NOTCH4: variants seen among roughly 807,000 people sequenced by gnomAD.
NOTCH4 encodes neurogenic locus notch homolog protein 4.
NOTCH4 carries 138 observed loss-of-function variants against 189.0 expected under a neutral mutation model. The ratio of observed to expected loss-of-function variants is 0.73; its 90% CI spans 0.64 to 0.84. The LOEUF (loss-of-function observed/expected upper bound fraction) is 0.84, where lower values mean the gene tolerates loss of function less well. Ranked by LOEUF, NOTCH4 falls within the 40% of genes least tolerant of loss-of-function variation. The probability of loss-of-function intolerance (pLI) is 0.00; values close to 1 mark genes in which losing one functional copy is unlikely to be tolerated. For missense variants in NOTCH4, 2,286 were observed against 2,605.4 expected, an observed-to-expected ratio of 0.88 and a Z score of 2.67; for synonymous variants, 942 against 1,032.8, an observed-to-expected ratio of 0.91 and a Z score of 1.69.
rs377352892 is a variant in NOTCH4, at chr6:32,207,804, C to A, written c.2865+2948G>T. Among the ~76,000 whole-genome samples, 308 of 151,844 alleles carry A rather than the reference C, an allele frequency of 2.0e-3. 1 individual carries two copies. The South Asian group carries it at 0.025, about 12-fold the overall frequency. ...CAAACACAAGGTCAGGAGTTTGAGA[C>A]CAGCCTGGCCAACATGGTGAAACCC... On this transcript the variant is annotated intron_variant, in intron 18 of 29. Transcript: ENST00000375023.
intron 11 of NOTCH4, chr6:32,216,648 A>G: frequency 1.9e-6 from 1 of 527,532 alleles, no homozygotes; most frequent in South Asian, 2.1e-5. Context: ...CTGGCATAGT[A>G]GGCAGTTGGT....
In NOTCH4 at chr6:32,199,065, G is replaced by A. The variant is rs1788166920; in HGVS notation, c.4396C>T (p.Leu1466Phe). The A allele has an allele frequency of 6.2e-7, 1 of 1,612,850 alleles. No homozygotes were observed. The highest frequency in any genetic ancestry group is 1.3e-5 in the African/African-American group (1 of 75,062). The change falls in exon 24 of 30, where the codon CTC (leucine) becomes TTC (phenylalanine). Residue 1466 changes from leucine to phenylalanine, a missense_variant. Physicochemically the swap from Leu to Phe is conservative, Grantham distance 22. Transcript: ENST00000375023. This position sits in a 1 kb window ranked among gnomAD's most constrained non-coding sequence, Gnocchi z 4.9. ...GVILLALGAL[L>F]VLQLIRRRRR... ...CGACGCCGGATGAGCTGGAGGACGA[G>A]AAGAGCCCCTAGGGCCAGGAGAATC...
intron 26 of NOTCH4, 104 bp from the exon 27 acceptor site, chr6:32,197,698 A>G (rs1788042679): frequency 1.9e-6 from 2 of 1,053,604 alleles, no homozygotes; most frequent in Non-Finnish European, 2.7e-6. Flanking sequence ...TTGGGAAGCT[A>G]AGTTCTGGCT....
chr6:32,217,273 G>A lies in NOTCH4; in HGVS notation c.1625-7C>T. 6.3e-7 allele frequency: 1 copy of A among 1,597,500 alleles called. No individual in the cohort carries two copies. The highest frequency in any genetic ancestry group is 8.6e-7 in the Non-Finnish European group (1 of 1,166,204). Reference sequence around the variant, plus strand: ...CATCGGGTGCCGGAGAATCCTGGTGGGGCGGAAGTGGGTGGGGAGAGGAGG... The same window carrying A: ...CATCGGGTGCCGGAGAATCCTGGTGAGGCGGAAGTGGGTGGGGAGAGGAGG... On this transcript the variant is annotated splice_region_variant and splice_polypyrimidine_tract_variant and intron_variant, in intron 9 of 29. Transcript: ENST00000375023. The surrounding 1 kb of genome is among the most constrained non-coding windows in gnomAD (Gnocchi z 4.2).
rs1221310804 is a variant in NOTCH4, at chr6:32,198,520, A to G, written c.4657T>C (p.Ser1553Pro). The G allele has an allele frequency of 1.9e-5, 30 of 1,612,812 alleles. No homozygotes were observed. The highest frequency in any genetic ancestry group is 2.5e-5 in the Non-Finnish European group (30 of 1,180,002). The change falls in exon 26 of 30, where the codon TCT becomes CCT. Residue 1553 changes from serine (S) to proline (P), a missense_variant. Around this residue, in one of 2 missense-constraint regions of NOTCH4, gnomAD observed 1,903 missense variants for 2,261.9 expected, o/e 0.84. Transcript: ENST00000375023. The surrounding 1 kb of genome is among the most constrained non-coding windows in gnomAD (Gnocchi z 5.5). ...AGCGCCCCACAGCCACCACTCAGAG[A>G]CCAGAGCTGGCACGTGGAGGGTGGG... ...TGPPSTCQLW[S>P]LSGGCGALPQ...
At position 32,217,030 on chromosome 6, in the gene NOTCH4, C is replaced by T; in HGVS notation, c.1776G>A (p.Glu592=). 6.2e-7 allele frequency: 1 copy of T among 1,613,122 alleles called. No individual in the cohort carries two copies. The highest frequency in any genetic ancestry group is 8.5e-7 in the Non-Finnish European group (1 of 1,180,052). ...EGPRCQTEVD[E]CLSDPCPVGA... ...CAACGGGACATGGGTCACTCAGGCACTCATCCACCTCTGTTTGACAGCGTG... is the reference window on the plus strand; with the variant it reads ...CAACGGGACATGGGTCACTCAGGCATTCATCCACCTCTGTTTGACAGCGTG... Residue 592 remains glutamate (E), a synonymous_variant, in exon 11 of 30, where the codon GAG becomes GAA. Coordinates refer to ENST00000375023, the MANE Select transcript of NOTCH4 (RefSeq NM_004557.4). This position sits in a 1 kb window ranked among gnomAD's most constrained non-coding sequence, Gnocchi z 4.2.
rs557200024 is a variant in NOTCH4 at position 32,212,489 on chromosome 6, C to T, written c.2665G>A (p.Ala889Thr). The change falls in exon 17 of 30, where the codon GCT (alanine) becomes ACT (threonine). Residue 889 changes from alanine to threonine, a missense_variant. Transcript: ENST00000375023. The surrounding 1 kb of genome is among the most constrained non-coding windows in gnomAD (Gnocchi z 4.4). Reference protein sequence around the residue: ...CNLPLSSCQKAALSQGIDVSS... With the variant: ...CNLPLSSCQKTALSQGIDVSS... ...CGTTGGTTACCTTGGCTCAGTGCAG[C>T]CTTCTGGCAGGAGGACAGTGGAAGG... 4.3e-6 allele frequency: 7 copies of T among 1,611,330 alleles called. No homozygotes were observed. The African/African-American group carries it at 9.3e-5, about 21-fold the overall frequency.
rs1458330015 is a variant in NOTCH4, at chr6:32,202,330, C to A, written c.3501G>T (p.Gly1167=). The change falls in exon 21 of 30, where the codon GGG becomes GGT. Residue 1167 remains glycine (G), a synonymous_variant. Transcript: ENST00000375023. This position sits in a 1 kb window ranked among gnomAD's most constrained non-coding sequence, Gnocchi z 5.7. The part of the protein sequence containing the change: ...FRCSCPHSSP[G]PRCQKPGAKG... ...TGGCTCCGGGTTTCTGACACCGGGG[C>A]CCTGGAGAGCTGTGAGGGCAGGAGC... is the stretch of plus-strand genomic sequence containing the variant. 8 of 1,612,878 alleles carry A rather than the reference C, an allele frequency of 5.0e-6. No homozygotes were observed. The highest frequency in any genetic ancestry group is 6.8e-6 in the Non-Finnish European group (8 of 1,179,948).
rs61729682 is a variant in NOTCH4, at chr6:32,218,002, G to A, written c.1617C>T (p.Cys539=). 1.1e-4 allele frequency: 170 copies of A among 1,607,780 alleles called. No homozygotes were observed. The African/African-American group carries it at 1.7e-3, about 16-fold the overall frequency. The change falls in exon 9 of 30, where the codon TGC becomes TGT. Residue 539 remains cysteine, a synonymous_variant. Transcript: ENST00000375023. ...HDLLNGFQCI[C]LPGFSGTRCE... is the part of the protein sequence containing the mutation. ...AGAGGCATCTGTACTCACCAGGCAG[G>A]CAGATGCACTGGAAGCCGTTGAGCA...
At chr6:32,222,385 T>G in intron 3 of NOTCH4, 126 bp downstream of exon 3, 1 of 812,468 alleles carries the variant, frequency 1.2e-6, no homozygotes, top group Non-Finnish European at 1.8e-6. Context: ...AATTGGCATG[T>G]TGATTCTCAT....
intron 12 of NOTCH4, among the ~76,000 whole-genome samples, chr6:32,214,466 GATAT>G (rs1554151235): frequency 8.6e-6 from 1 of 116,672 alleles, no homozygotes; most frequent in African/African-American, 3.2e-5. Context: ...TCTAGTTGGA[GATAT>G]ATATATATAT....
chr6:32,213,658 C>A, intron 14 of NOTCH4, 30 bp downstream of exon 14: 1 of 1,608,996 alleles, frequency 6.2e-7, no homozygotes, highest in African/African-American at 1.3e-5. Context: ...CTCCTGTGGA[C>A]CCCAGCCCCA....
chr6:32,210,777 G>C lies in NOTCH4; in HGVS notation c.2840C>G (p.Ala947Gly), dbSNP rs759200326. 6.8e-6 allele frequency: 11 copies of C among 1,612,636 alleles called. No individual in the cohort carries two copies. The highest frequency in any genetic ancestry group is 3.3e-5 in the Admixed American group (2 of 60,002). Reference protein sequence around the residue: ...RPCQNGATCMAQPSGYLCQCA... With the variant: ...RPCQNGATCMGQPSGYLCQCA... ...CTGGCAGAGATACCCACTGGGCTGG[G>C]CCATGCAGGTGGCCCCGTTCTGGCA... Residue 947 changes from alanine (A) to glycine (G), a missense_variant, in exon 18 of 30, where the codon GCC becomes GGC. By Grantham distance (60) the Ala-to-Gly change is moderately conservative (BLOSUM62 0). This residue lies in a region of NOTCH4 where 1,903 missense variants were observed against 2,261.9 expected (regional missense o/e 0.84). Transcript: ENST00000375023. This position sits in a 1 kb window ranked among gnomAD's most constrained non-coding sequence, Gnocchi z 4.8.
At chr6:32,209,303 T>TA (rs1788873464) in intron 18 of NOTCH4, among the ~76,000 whole-genome samples, 1 of 152,106 alleles carries the variant, frequency 6.6e-6, no homozygotes, top group African/African-American at 2.4e-5. Flanking sequence ...CTAAAAAAGT[T>TA]AGTCTCATGG....
chr6:32,197,307 C>T lies in NOTCH4; in HGVS notation c.5044G>A (p.Val1682Ile), dbSNP rs1413400324. Residue 1682 changes from valine to isoleucine, a missense_variant, in exon 27 of 30, where the codon GTC becomes ATC. By Grantham distance (29) the Val-to-Ile change is conservative. Around this residue, in one of 2 missense-constraint regions of NOTCH4, gnomAD observed 1,903 missense variants for 2,261.9 expected, o/e 0.84. Coordinates refer to ENST00000375023, the MANE Select transcript of NOTCH4 (RefSeq NM_004557.4). ...CCTCAGTGTGTGCTAACCTGGCAGACCTCCCGAGCATCAGCAGCCACAGCA... is the reference window on the plus strand; with the variant it reads ...CCTCAGTGTGTGCTAACCTGGCAGATCTCCCGAGCATCAGCAGCCACAGCA... ...HAAVAADARE[V>I]CQLLLRSRQT... 1.3e-6 allele frequency: 2 copies of T among 1,524,810 alleles called. No individual in the cohort carries two copies. Among genetic ancestry groups the T allele is most frequent in the Non-Finnish European group, 1.8e-6 (2 of 1,140,070 alleles). 94.5% of individuals were successfully genotyped at this position (1,524,810 alleles called of 1,614,324 possible). A position where few individuals can be genotyped will look rare whatever the true frequency, so the allele number is the denominator to read the frequency against.
chr6:32,222,912 C>T (rs962594612), intron 2 of NOTCH4, 93 bp downstream of exon 2: 1 of 1,553,740 alleles, frequency 6.4e-7, no homozygotes, highest in Non-Finnish European at 8.9e-7. Flanking sequence ...TTCACTTCCT[C>T]TCTTTCTTCT....
At chr6:32,223,822 T>C in intron 1 of NOTCH4, 34 bp downstream of exon 1, 1 of 1,596,198 alleles carries the variant, frequency 6.3e-7, no homozygotes, top group Non-Finnish European at 8.5e-7. Context: ...CTAAGGGAGC[T>C]GGGTCCCCTC....
intron 17 of NOTCH4, among the ~76,000 whole-genome samples, chr6:32,211,848 C>T (rs1789043347): frequency 6.6e-6 from 1 of 152,110 alleles, no homozygotes; most frequent in Non-Finnish European, 1.5e-5. Flanking sequence ...ACCCCTAAAG[C>T]TTATCATAAT....
At chr6:32,207,632 C>T (rs971630460) in intron 18 of NOTCH4, among the ~76,000 whole-genome samples, 3 of 148,800 alleles carry the variant, frequency 2.0e-5, no homozygotes, top group South Asian at 2.2e-4. Flanking sequence ...ACTCTATCCC[C>T]CCCCCCCAAA....
Sources: allele counts gnomAD v4.1 joint callset (sites outside exome capture counted in the v4.1 genomes callset), GRCh38; gene constraint gnomAD v4.1.1; regional missense constraint gnomAD v4.1.1; non-coding constraint Gnocchi (gnomAD v3.1); transcripts MANE v1.5; gene names NCBI Gene and HGNC (gene_info 2026-07-23, HGNC 2026-07-21).